Variants in CLN3 observed in about 807,000 individuals in gnomAD.
The protein encoded by CLN3 is CLN3 lysosomal/endosomal transmembrane protein, battenin.
CLN3 carries 49 observed loss-of-function variants against 60.7 expected under a neutral mutation model. That is an observed-to-expected ratio of 0.81 (90% confidence interval 0.64 to 1.02). The LOEUF (loss-of-function observed/expected upper bound fraction) is 1.02. Ranked by LOEUF, CLN3 falls within the 50% of genes least tolerant of loss-of-function variation. The probability of loss-of-function intolerance (pLI) is 0.00; values close to 1 mark genes in which losing one functional copy is unlikely to be tolerated. For synonymous variants in CLN3, 256 were observed against 245.8 expected (o/e 1.04, Z -0.39); for missense variants, 516 against 557.4 (o/e 0.93, Z 0.75).
intron 2 of CLN3, 44 bp downstream of exon 2, chr16:28,491,670 G>A (rs1224233430): frequency 1.2e-6 from 2 of 1,613,952 alleles, no homozygotes; most frequent in Non-Finnish European, 1.7e-6. Context: ...GGTGGGCTGC[G>A]AGCCAGAGGT....
At chr16:28,478,617 T>TA (rs766238150) in intron 14 of CLN3, among the ~76,000 whole-genome samples, 969 of 74,314 alleles carry the variant, frequency 0.013, 27 homozygotes, top group South Asian at 0.021. Context: ...TCCTGTCTCA[T>TA]AAAAAAAAAA....
Position 28,487,714 on chromosome 16 carries a change from T to A in CLN3, c.322A>T (p.Thr108Ser), listed in dbSNP as rs1302804526. ...AAVLLADILP[T>S]LVIKLLAPLG... is the part of the protein sequence containing the mutation. ...GGAGCCAACAATTTGATGACGAGTG[T>A]GGGGAGGATGTCCGCCAGGAGCACA... is the stretch of plus-strand genomic sequence containing the variant. Residue 108 changes from threonine (T) to serine (S), a missense_variant, in exon 6 of 16, where the codon ACA becomes TCA. Thr to Ser is a moderately conservative substitution (Grantham distance 58). Coordinates refer to ENST00000636147, the MANE Select transcript of CLN3 (RefSeq NM_001042432.2). The A allele has an allele frequency of 1.9e-6, 3 of 1,613,706 alleles. No individual in the cohort carries two copies. Among genetic ancestry groups the A allele is most frequent in the Non-Finnish European group, 2.5e-6 (3 of 1,179,928 alleles).
chr16:28,472,728 G>A (rs564468933), downstream of CLN3, among the ~76,000 whole-genome samples: 10 of 148,740 alleles, frequency 6.7e-5, no homozygotes, highest in East Asian at 2.0e-4. Flanking sequence ...TGTAATCCCC[G>A]CTACTCAGGA....
intron 9 of CLN3, among the ~76,000 whole-genome samples, chr16:28,485,394 C>T (rs1397353917): frequency 6.7e-6 from 1 of 149,862 alleles, no homozygotes; most frequent in African/African-American, 2.4e-5. Context: ...CAGTGAAACC[C>T]CGTCTCTACT....
chr16:28,472,030 CA>C (rs944388852), downstream of CLN3, among the ~76,000 whole-genome samples: 54 of 142,262 alleles, frequency 3.8e-4, no homozygotes, highest in South Asian at 4.4e-4. Flanking sequence ...ACTCCGTCTC[CA>C]AAAAAAAAAA....
intron 5 of CLN3, chr16:28,488,264 C>T (rs1211004791): frequency 6.1e-6 from 1 of 163,884 alleles, no homozygotes; most frequent in Non-Finnish European, 1.3e-5. Context: ...TGGTCTTGAA[C>T]TCCTGGTCTC....
In CLN3 at chr16:28,482,646, C is replaced by T; in HGVS notation, c.817G>A (p.Glu273Lys). 6.2e-7 allele frequency: 1 copy of T among 1,614,182 alleles called. No individual in the cohort carries two copies. The highest frequency in any genetic ancestry group is 8.5e-7 in the Non-Finnish European group (1 of 1,180,040). The part of the protein sequence containing the change: ...PGSSSSLSLR[E>K]RWTVFKGLLW... Reference sequence around the variant, plus strand: ...CGAACCTTGAACACTGTCCACCTTTCCCGAAGGGAGAGGCTGGAGCTGGAG... The same window carrying T: ...CGAACCTTGAACACTGTCCACCTTTTCCGAAGGGAGAGGCTGGAGCTGGAG... Residue 273 changes from glutamate (E) to lysine (K), a missense_variant, in exon 11 of 16, where the codon GAA becomes AAA. Transcript: ENST00000636147.
intron 10 of CLN3, 74 bp from the exon 11 acceptor site, chr16:28,482,746 C>T: frequency 1.4e-6 from 2 of 1,473,724 alleles, no homozygotes; most frequent in Non-Finnish European, 1.9e-6. Context: ...ACCGGTATGA[C>T]AGAATTAACC....
chr16:28,487,107 C>T, intron 7 of CLN3: 1 of 394,412 alleles, frequency 2.5e-6, no homozygotes, highest in Non-Finnish European at 4.8e-6. Context: ...GACGGGGTTT[C>T]TCCATGTTGG....
chr16:28,478,769 C>T (rs948021855), intron 14 of CLN3, among the ~76,000 whole-genome samples: 3 of 152,106 alleles, frequency 2.0e-5, no homozygotes, highest in African/African-American at 7.2e-5. Flanking sequence ...GCGCATTTAG[C>T]AGGATCCCTG....
Position 28,486,610 on chromosome 16 carries a change from G to A in CLN3, c.501C>T (p.Val167=), listed in dbSNP as rs2141712899. The change falls in exon 8 of 16, where the codon GTC becomes GTT. Residue 167 remains valine, a synonymous_variant. Coordinates refer to ENST00000636147, the MANE Select transcript of CLN3 (RefSeq NM_001042432.2). ...FASISSGLGE[V]TFLSLTAFYP... ...AGAAGGCAGTGAGGGAGAGGAAGGT[G>A]ACCTCCCCAAGGCCTGATGAGATGC... The A allele has an allele frequency of 6.2e-7, 1 of 1,611,380 alleles. No individual in the cohort carries two copies. The highest frequency in any genetic ancestry group is 8.5e-7 in the Non-Finnish European group (1 of 1,178,868).
intron 10 of CLN3, among the ~76,000 whole-genome samples, chr16:28,483,056 A>G (rs1300101208): frequency 1.3e-5 from 2 of 151,498 alleles, no homozygotes; most frequent in Non-Finnish European, 2.9e-5. Flanking sequence ...GTGAGCTGAG[A>G]TTGCGCCATT....
intron 3 of CLN3, chr16:28,490,479 A>T (rs1348184978): frequency 7.9e-6 from 1 of 126,026 alleles, no homozygotes; most frequent in East Asian, 2.3e-4. Context: ...AAAAAAAAAA[A>T]GCTGGGCGCG....
downstream of CLN3, among the ~76,000 whole-genome samples, chr16:28,471,953 C>G (rs546460971): frequency 6.6e-6 from 1 of 152,274 alleles, no homozygotes; most frequent in East Asian, 1.9e-4. Flanking sequence ...TCACTTGAAC[C>G]TGGAAGATGG....
intron 7 of CLN3, chr16:28,487,162 T>C: frequency 2.0e-6 from 1 of 489,938 alleles, no homozygotes; most frequent in African/African-American, 1.9e-5. Context: ...CTGCCTGCCT[T>C]GGCTTTCCAA....
At chr16:28,479,951 C>A (rs1209796528) in intron 14 of CLN3, among the ~76,000 whole-genome samples, 1 of 152,000 alleles carries the variant, frequency 6.6e-6, no homozygotes, top group Admixed American at 6.6e-5. Flanking sequence ...TATTTACATG[C>A]TTTTGCCATA....
rs1460970955 is a variant in CLN3, at chr16:28,485,351, G to A, written c.677+996C>T. 4.3e-5 allele frequency among the ~76,000 whole-genome samples: 6 copies of A among 139,958 alleles called. No homozygotes were observed. The East Asian group carries it at 1.4e-3, about 32-fold the overall frequency. 91.8% of individuals were successfully genotyped at this position (139,958 alleles called of 152,430 possible). On this transcript the variant is annotated intron_variant, in intron 9 of 15. Transcript: ENST00000636147. The stretch of plus-strand genomic sequence containing the variant: ...GGAGGCCAAGGCAGGTGGATCACTT[G>A]AGGTCAGGAGTTTGAGACCAGCCTG...
At chr16:28,484,232 T>C (rs983681851) in intron 9 of CLN3, 114 bp from the exon 10 acceptor site, 105 of 760,056 alleles carry the variant, frequency 1.4e-4, no homozygotes, top group Admixed American at 7.0e-4. Context: ...CTTTCAAAGA[T>C]GGGTAGCTCA....
In CLN3 at chr16:28,491,534, G is replaced by A. The variant is rs752737552; in HGVS notation, c.73C>T (p.Leu25Phe). Residue 25 changes from leucine to phenylalanine, a missense_variant, in exon 3 of 16, where the codon CTC (leucine) becomes TTC (phenylalanine). By Grantham distance (22) the Leu-to-Phe change is conservative. Transcript: ENST00000636147. The part of the protein sequence containing the change: ...EGEETVPEPR[L>F]PLLDHQGAHW... ...GCGCCCTGATGGTCCAACAGAGGGA[G>A]CCGGGGCTCCGGGACGGTCTCCTCC... 3 of 1,613,936 alleles carry A rather than the reference G, an allele frequency of 1.9e-6. No homozygotes were observed. The highest frequency in any genetic ancestry group is 2.7e-5 in the African/African-American group (2 of 74,938).
Sources: gnomAD v4.1 joint callset for allele counts (sites outside exome capture counted in the v4.1 genomes callset) on GRCh38, gnomAD v4.1.1 for gene constraint, MANE v1.5 for transcripts, NCBI Gene and HGNC (gene_info 2026-07-23, HGNC 2026-07-21) for gene names.